Variants in CCT4 observed in about 807,000 individuals in gnomAD.
CCT4 encodes chaperonin containing TCP1 subunit 4.
Under a neutral mutation model 62.5 loss-of-function variants are expected in CCT4, and 17 were observed. That is an observed-to-expected ratio of 0.27 (90% CI 0.19 to 0.41). The LOEUF (loss-of-function observed/expected upper bound fraction) is 0.41. Ranked by LOEUF, CCT4 falls within the 10% of genes least tolerant of loss-of-function variation. The pLI, the probability that CCT4 is intolerant of heterozygous loss-of-function variation, is 1.00. For missense variants in CCT4, 592 were observed against 659.2 expected (o/e 0.90, Z 1.12); for synonymous variants, 250 against 229.9 (o/e 1.09, Z -0.79).
intron 2 of CCT4, among the ~76,000 whole-genome samples, chr2:61,884,818 G>A (rs1669212867): frequency 6.6e-6 from 1 of 151,910 alleles, no homozygotes; most frequent in South Asian, 2.1e-4. Context: ...AGTAGACATA[G>A]GGTTTCTCCA....
chr2:61,879,439 ATTTTTT>A (rs35177149), intron 4 of CCT4, among the ~76,000 whole-genome samples: 2 of 103,556 alleles, frequency 1.9e-5, no homozygotes, highest in African/African-American at 7.2e-5. Flanking sequence ...TTTTTTTTGT[ATTTTTT>A]TTTTTTTTTT....
chr2:61,875,996 GAGT>G (rs1374981580), intron 8 of CCT4, 96 bp downstream of exon 8: 1 of 695,056 alleles, frequency 1.4e-6, no homozygotes, highest in East Asian at 2.7e-5. Context: ...TACGAACTTA[GAGT>G]AAGTGCTTAA....
intron 7 of CCT4, 95 bp downstream of exon 7, chr2:61,876,825 A>T: frequency 9.4e-7 from 1 of 1,061,162 alleles, no homozygotes; most frequent in Non-Finnish European, 1.4e-6. Context: ...GATCTGCTTT[A>T]AATCACTAGT....
At chr2:61,869,273 T>G (rs1022945508) in intron 13 of CCT4, among the ~76,000 whole-genome samples, 167 bp downstream of exon 13, 1 of 151,140 alleles carries the variant, frequency 6.6e-6, no homozygotes, top group Non-Finnish European at 1.5e-5. Context: ...GAGGCAGAGG[T>G]TGCAGTGAGC....
chr2:61,868,443 T>C lies in CCT4; in HGVS notation c.*249A>G. On this transcript the variant is annotated 3_prime_UTR_variant, in exon 14 of 14. Transcript: ENST00000394440. The stretch of plus-strand genomic sequence containing the variant: ...AACTCACTTTTTACGCTTCTTTTAT[T>C]AGTTTTTATTAGTTTTTCAAAAGTA... The C allele has an allele frequency of 2.2e-6, 1 of 459,318 alleles. No homozygotes were observed. The allele number at this position is 459,318 out of a possible 1,614,324, so 28.5% of individuals were successfully genotyped here.
In CCT4 at chr2:61,871,031, GT is replaced by G. The variant is rs747752539; in HGVS notation, c.1491+1050del. ...CAGGGGCCTCCTCATTCTATTAATA[GT>G]TTTTTTTTTTTTTTTTTGAGACGGA... is the stretch of plus-strand genomic sequence containing the variant. On this transcript the variant is annotated intron_variant, in intron 12 of 13. Transcript: ENST00000394440. 9.1e-3 allele frequency among the ~76,000 whole-genome samples: 1,256 copies of G among 138,770 alleles called. 8 individuals carry two copies. Among genetic ancestry groups the G allele is most frequent in the South Asian group, 0.039 (165 of 4,240 alleles). 91.0% of individuals were successfully genotyped at this position (138,770 alleles called of 152,430 possible).
At chr2:61,875,096 C>A (rs1367317278) in intron 8 of CCT4, among the ~76,000 whole-genome samples, 2 of 148,870 alleles carry the variant, frequency 1.3e-5, no homozygotes, top group Admixed American at 1.3e-4. Context: ...GAACCGAGAT[C>A]GCACCATTGA....
At chr2:61,887,344 T>C (rs914033948) in intron 1 of CCT4, among the ~76,000 whole-genome samples, 3 of 152,142 alleles carry the variant, frequency 2.0e-5, no homozygotes, top group African/African-American at 7.2e-5. Flanking sequence ...ACGTGGGTCT[T>C]TATATGCTTT....
intron 3 of CCT4, among the ~76,000 whole-genome samples, chr2:61,882,046 G>A (rs1266519179): frequency 6.6e-6 from 1 of 151,268 alleles, no homozygotes; most frequent in South Asian, 2.1e-4. Context: ...CAATTCTCCT[G>A]TCTCTGCCTC....
chr2:61,888,659 G>C, upstream of CCT4: 1 of 888,800 alleles, frequency 1.1e-6, no homozygotes, highest in Non-Finnish European at 1.6e-6. Flanking sequence ...CGGAGAAGGG[G>C]GCCTTCCTTG....
At chr2:61,887,175 A>C (rs2105144699) in intron 1 of CCT4, among the ~76,000 whole-genome samples, 1 of 152,340 alleles carries the variant, frequency 6.6e-6, no homozygotes, top group South Asian at 2.1e-4. Flanking sequence ...CTAAACTTAC[A>C]AATGACTCCT....
chr2:61,885,813 GCT>G (rs2105142887), intron 1 of CCT4: 1 of 128,522 alleles, frequency 7.8e-6, no homozygotes, highest in South Asian at 2.4e-4. Flanking sequence ...TCTGAGAATT[GCT>G]ATTTCCTCCA....
intron 2 of CCT4, among the ~76,000 whole-genome samples, chr2:61,883,935 C>A (rs1669178932): frequency 6.6e-6 from 1 of 152,174 alleles, no homozygotes; most frequent in Non-Finnish European, 1.5e-5. Flanking sequence ...GAACACAATT[C>A]TTACAGTCAA....
chr2:61,882,389 T>C (rs1456116480), intron 3 of CCT4, among the ~76,000 whole-genome samples: 1 of 152,210 alleles, frequency 6.6e-6, no homozygotes, highest in Admixed American at 6.5e-5. Context: ...GTAGATTATA[T>C]TTTTAGACAA....
At chr2:61,884,941 C>T in intron 2 of CCT4, 79 bp downstream of exon 2, 4 of 1,250,018 alleles carry the variant, frequency 3.2e-6, no homozygotes, top group Non-Finnish European at 4.6e-6. Flanking sequence ...TTTTAAACAG[C>T]ACATCTAACC....
In CCT4 at chr2:61,875,127, G is replaced by C. The variant is rs186660361; in HGVS notation, c.917+968C>G. Reference sequence around the variant, plus strand: ...ATTGATTCCAGCCTGGGCAACAAGAGCGAAACTCCATTTCAAAAAAAAAAG... The same window carrying C: ...ATTGATTCCAGCCTGGGCAACAAGACCGAAACTCCATTTCAAAAAAAAAAG... On this transcript the variant is annotated intron_variant, in intron 8 of 13. Transcript: ENST00000394440. Among the ~76,000 whole-genome samples the C allele has an allele frequency of 2.5e-3, 262 of 104,734 alleles. 1 individual carries two copies. The highest frequency in any genetic ancestry group is 9.6e-3 in the African/African-American group (249 of 25,922). The allele number at this position is 104,734 out of a possible 152,430, so 68.7% of individuals were successfully genotyped here.
chr2:61,872,100 T>C lies in CCT4; in HGVS notation c.1473A>G (p.Ala491=), dbSNP rs1668896284. 6.2e-7 allele frequency: 1 copy of C among 1,611,062 alleles called. No homozygotes were observed. Among genetic ancestry groups the C allele is most frequent in the Non-Finnish European group, 8.5e-7 (1 of 1,177,636 alleles). The change falls in exon 12 of 14, where the codon GCA becomes GCG. Residue 491 remains alanine (A), a synonymous_variant. Coordinates refer to ENST00000394440, the MANE Select transcript of CCT4 (RefSeq NM_006430.4). Reference sequence around the variant, plus strand: ...TGATTACCTTTCGGACATTAATGCCTGCAGTTTTTTCTCCCTGGGCATGCC... The same window carrying C: ...TGATTACCTTTCGGACATTAATGCCCGCAGTTTTTTCTCCCTGGGCATGCC... ...RNRHAQGEKT[A]GINVRKGGIS... is the part of the protein sequence containing the mutation.
At chr2:61,876,588 G>A (rs2105131423) in intron 7 of CCT4, among the ~76,000 whole-genome samples, 1 of 152,284 alleles carries the variant, frequency 6.6e-6, no homozygotes, top group African/African-American at 2.4e-5. Context: ...TGTTGCCCAG[G>A]CTGGAGTGGA....
At chr2:61,870,374 A>T (rs543845086) in intron 12 of CCT4, among the ~76,000 whole-genome samples, 1 of 152,184 alleles carries the variant, frequency 6.6e-6, no homozygotes, top group African/African-American at 2.4e-5. Context: ...CTACAGTCTC[A>T]TATTTGCCAC....
Sources: gnomAD v4.1 joint callset for allele counts (sites outside exome capture counted in the v4.1 genomes callset) on GRCh38, gnomAD v4.1.1 for gene constraint, MANE v1.5 for transcripts, NCBI Gene and HGNC (gene_info 2026-07-23, HGNC 2026-07-21) for gene names.